The following CXCL13 variants were observed in gnomAD, a reference collection of about 807,000 sequenced individuals.
CXCL13 encodes C-X-C motif chemokine 13.
A neutral mutation model predicts 12.2 loss-of-function variants in CXCL13; 7 were observed. The ratio of observed to expected loss-of-function variants is 0.57; its 90% CI spans 0.33 to 1.07. CXCL13 has a LOEUF of 1.07. Among genes scored for constraint, CXCL13 ranks in the 50% least tolerant of loss-of-function variants. CXCL13 has a pLI of 0.04. For missense variants in CXCL13, 113 were observed against 127.4 expected, an observed-to-expected ratio of 0.89 and a Z score of 0.55; for synonymous variants, 47 against 42.4, an observed-to-expected ratio of 1.11 and a Z score of -0.42.
chr4:77,583,293 A>C (rs1400779653), intron 1 of CXCL13, among the ~76,000 whole-genome samples: 2 of 152,194 alleles, frequency 1.3e-5, no homozygotes, highest in African/African-American at 4.8e-5. Context: ...CAATATAGCC[A>C]AGGTATGCAG....
At chr4:77,583,265 T>C (rs1726381032) in intron 1 of CXCL13, among the ~76,000 whole-genome samples, 1 of 152,186 alleles carries the variant, frequency 6.6e-6, no homozygotes, top group Non-Finnish European at 1.5e-5. Flanking sequence ...CCTCTTTCCA[T>C]GGGAATGAAA....
chr4:77,562,499 G>T (rs1484122852), intron 1 of CXCL13, among the ~76,000 whole-genome samples: 2 of 151,956 alleles, frequency 1.3e-5, no homozygotes, highest in Admixed American at 6.6e-5. Flanking sequence ...GTTTGTGAAT[G>T]CACCAATCAG....
chr4:77,533,743 CT>C (rs1227214960), intron 1 of CXCL13, among the ~76,000 whole-genome samples: 1 of 152,160 alleles, frequency 6.6e-6, no homozygotes, highest in Non-Finnish European at 1.5e-5. Flanking sequence ...GCGGGCACCC[CT>C]CCCCCAGCCT....
chr4:77,546,680 CA>C (rs1725373961), intron 1 of CXCL13, among the ~76,000 whole-genome samples: 1 of 152,048 alleles, frequency 6.6e-6, no homozygotes, highest in Non-Finnish European at 1.5e-5. Flanking sequence ...TTGATCTTTT[CA>C]AAAAACCAGC....
intron 1 of CXCL13, among the ~76,000 whole-genome samples, chr4:77,567,183 C>T (rs540124539): frequency 6.6e-6 from 1 of 152,128 alleles, no homozygotes; most frequent in African/African-American, 2.4e-5. Context: ...GTAAGATCCA[C>T]CCCCTGCCCA....
intron 1 of CXCL13, among the ~76,000 whole-genome samples, chr4:77,528,769 G>A (rs1724834513): frequency 6.6e-6 from 1 of 152,262 alleles, no homozygotes; most frequent in South Asian, 2.1e-4. Context: ...CTGTGCAGAA[G>A]CTCTTCAGTT....
chr4:77,533,710 T>G (rs548005679), intron 1 of CXCL13, among the ~76,000 whole-genome samples: 2 of 152,274 alleles, frequency 1.3e-5, no homozygotes, highest in East Asian at 3.9e-4. Context: ...CCGCTTTGTT[T>G]ACCTACTCAA....
At chr4:77,595,632 A>G (rs1436127896) in intron 1 of CXCL13, among the ~76,000 whole-genome samples, 2 of 152,216 alleles carry the variant, frequency 1.3e-5, no homozygotes, top group East Asian at 3.8e-4. Context: ...CTCCACGTAT[A>G]TAACTTTGTC....
At chr4:77,558,636 C>T (rs142816061) in intron 1 of CXCL13, among the ~76,000 whole-genome samples, 524 of 152,180 alleles carry the variant, frequency 3.4e-3, no homozygotes, top group South Asian at 6.2e-3. Context: ...TACAGGAATG[C>T]GCCACCGCAC....
chr4:77,588,793 T>C (rs1388830549), intron 1 of CXCL13, among the ~76,000 whole-genome samples: 2 of 152,160 alleles, frequency 1.3e-5, no homozygotes, highest in Admixed American at 6.6e-5. Flanking sequence ...TTCTCAAGCA[T>C]AGATAAACGA....
At chr4:77,584,424 T>C (rs355687) in intron 1 of CXCL13, among the ~76,000 whole-genome samples, 41,434 of 152,044 alleles carry the variant, frequency 0.27, 5,783 homozygotes, top group South Asian at 0.36. Context: ...AAATATTTCA[T>C]TGATGTTGTT....
intron 1 of CXCL13, among the ~76,000 whole-genome samples, chr4:77,534,126 C>G (rs986472498): frequency 6.6e-6 from 1 of 152,200 alleles, no homozygotes; most frequent in Non-Finnish European, 1.5e-5. Flanking sequence ...CTGCGTTGCT[C>G]ATGCTGGGAG....
rs372928813 is a variant in CXCL13 at position 77,553,291 on chromosome 4, C to T, written c.-43+41503C>T. 2.6e-5 allele frequency among the ~76,000 whole-genome samples: 4 copies of T among 152,288 alleles called. No homozygotes were observed. In the East Asian group the frequency reaches 5.8e-4, roughly 22 times the overall value. ...CAGTTCTGGCTGTGGAAGCTTCTAC[C>T]CAACTCCAGAGCATGTGCTCCAATC... On this transcript the variant is annotated intron_variant, in intron 1 of 4. Coordinates refer to the CXCL13 transcript ENST00000286758.
At chr4:77,553,149 C>A (rs1447701730) in intron 1 of CXCL13, among the ~76,000 whole-genome samples, 1 of 152,182 alleles carries the variant, frequency 6.6e-6, no homozygotes, top group East Asian at 1.9e-4. Flanking sequence ...CACCAGCTGG[C>A]CCTAGCTGTA....
intron 1 of CXCL13, among the ~76,000 whole-genome samples, chr4:77,555,302 A>G (rs1211180009): frequency 1.3e-5 from 2 of 152,082 alleles, no homozygotes; most frequent in Admixed American, 1.3e-4. Flanking sequence ...AATAACTTAG[A>G]GGAAATGGGC....
At chr4:77,512,624 T>C (rs747473920) in intron 1 of CXCL13, among the ~76,000 whole-genome samples, 22 of 152,148 alleles carry the variant, frequency 1.4e-4, no homozygotes, top group Admixed American at 2.6e-4. Context: ...TTAGGGCCCA[T>C]CCTGATGATC....
intron 1 of CXCL13, among the ~76,000 whole-genome samples, chr4:77,512,448 T>C (rs1339580352): frequency 6.6e-6 from 1 of 152,212 alleles, no homozygotes; most frequent in Non-Finnish European, 1.5e-5. Context: ...CTATCCATCC[T>C]GGAGGCTAGA....
intron 1 of CXCL13, among the ~76,000 whole-genome samples, chr4:77,527,407 G>A (rs913618552): frequency 2.0e-5 from 3 of 152,134 alleles, no homozygotes; most frequent in Admixed American, 6.5e-5. Flanking sequence ...TGAGGCGGGT[G>A]GATTAATTGA....
intron 1 of CXCL13, among the ~76,000 whole-genome samples, chr4:77,531,667 T>A (rs927530848): frequency 5.9e-5 from 9 of 152,104 alleles, no homozygotes; most frequent in Non-Finnish European, 1.3e-4. Context: ...CCCATTATTA[T>A]TGTGTGGGAG....
Sources: gnomAD v4.1 joint callset for allele counts (sites outside exome capture counted in the v4.1 genomes callset) on GRCh38, gnomAD v4.1.1 for gene constraint, MANE v1.5 for transcripts, NCBI Gene and HGNC (gene_info 2026-07-23, HGNC 2026-07-21) for gene names.